Variants in SLC37A1 observed in about 807,000 individuals in gnomAD.
SLC37A1 encodes glucose-6-phosphate exchanger SLC37A1.
SLC37A1 carries 49 observed loss-of-function variants against 75.3 expected under a neutral mutation model. The observed-to-expected ratio is 0.65, with a 90% CI of 0.52 to 0.83. The LOEUF is 0.83. Among genes scored for constraint, SLC37A1 ranks in the 40% least tolerant of loss-of-function variants. The pLI is 0.00. For synonymous variants in SLC37A1, 268 were observed against 292.1 expected, an observed-to-expected ratio of 0.92 and a Z score of 0.84; for missense variants, 566 against 695.0, an observed-to-expected ratio of 0.81 and a Z score of 2.09.
chr21:42,571,602 T>G (rs976829265), intron 17 of SLC37A1, among the ~76,000 whole-genome samples: 2 of 152,110 alleles, frequency 1.3e-5, no homozygotes, highest in African/African-American at 4.8e-5. Context: ...TTTCCATGTT[T>G]CTTGGTTCAT....
At chr21:42,571,958 T>TC (rs1186299834) in intron 17 of SLC37A1, among the ~76,000 whole-genome samples, 1 of 151,670 alleles carries the variant, frequency 6.6e-6, no homozygotes, top group Admixed American at 6.6e-5. Flanking sequence ...GTGCTGGGAG[T>TC]CCCCCTCCTC....
At position 42,543,310 on chromosome 21, in the gene SLC37A1, G is replaced by A; in HGVS notation, c.564-126G>A. The A allele has an allele frequency of 2.8e-6, 3 of 1,064,402 alleles. No individual in the cohort carries two copies. The South Asian group carries it at 3.9e-5, about 14-fold the overall frequency. 65.9% of individuals were successfully genotyped at this position (1,064,402 alleles called of 1,614,324 possible). Reference sequence around the variant, plus strand: ...GAGTCCTGCATGGCACAGAAGCAGGGTCTGCATGGCCCCCCGTTGATTCTG... The same window carrying A: ...GAGTCCTGCATGGCACAGAAGCAGGATCTGCATGGCCCCCCGTTGATTCTG... On this transcript the variant is annotated intron_variant, in intron 7 of 19. Transcript: ENST00000352133.
At chr21:42,569,389 T>C (rs2147024405) in intron 17 of SLC37A1, among the ~76,000 whole-genome samples, 1 of 152,336 alleles carries the variant, frequency 6.6e-6, no homozygotes, top group South Asian at 2.1e-4. Context: ...TCCCGCCACA[T>C]GGCCTCCCTG....
chr21:42,510,030 A>T (rs1388142001), upstream of SLC37A1, among the ~76,000 whole-genome samples: 1 of 152,184 alleles, frequency 6.6e-6, no homozygotes, highest in African/African-American at 2.4e-5. Context: ...GAGGTGGGGA[A>T]AAATTAAAGT....
At chr21:42,524,701 C>A (rs115973213) in intron 2 of SLC37A1, among the ~76,000 whole-genome samples, 1,914 of 152,304 alleles carry the variant, frequency 0.013, 36 homozygotes, top group African/African-American at 0.044. Flanking sequence ...GTGTGCATCT[C>A]GAGTCCCAGG....
At chr21:42,578,635 C>T (rs540172618) in intron 18 of SLC37A1, among the ~76,000 whole-genome samples, 12 of 152,268 alleles carry the variant, frequency 7.9e-5, no homozygotes, top group Admixed American at 7.2e-4. Flanking sequence ...CACTATTGTT[C>T]GTACCTGCCG....
intron 17 of SLC37A1, 129 bp downstream of exon 17, chr21:42,568,567 C>T (rs1408716806): frequency 6.9e-6 from 6 of 874,188 alleles, no homozygotes; most frequent in East Asian, 2.7e-5. Flanking sequence ...TCTTACTATA[C>T]GAGCAGATGA....
At chr21:42,516,296 TCAGAGAAA>T (rs2054520525) in intron 1 of SLC37A1, among the ~76,000 whole-genome samples, 3 of 152,134 alleles carry the variant, frequency 2.0e-5, no homozygotes, top group Admixed American at 2.0e-4. Context: ...AGGAGGTGGC[TCAGAGAAA>T]CAGGACAAAC....
chr21:42,513,668 C>A (rs1194816536), upstream of SLC37A1, among the ~76,000 whole-genome samples: 3 of 149,856 alleles, frequency 2.0e-5, no homozygotes, highest in Non-Finnish European at 3.0e-5. Context: ...CGGGCAGTGC[C>A]GCAAGGCGTG....
chr21:42,535,720 G>A (rs1174782739), intron 5 of SLC37A1, among the ~76,000 whole-genome samples, 170 bp downstream of exon 5: 1 of 152,234 alleles, frequency 6.6e-6, no homozygotes, highest in Non-Finnish European at 1.5e-5. Flanking sequence ...GAGAGAGCAA[G>A]TGCGTGTGCT....
chr21:42,575,379 G>A (rs951212256), intron 18 of SLC37A1: 39 of 985,336 alleles, frequency 4.0e-5, no homozygotes, highest in African/African-American at 1.4e-4. Flanking sequence ...GTCAGACGGC[G>A]GGAGCGGCCC....
Position 42,545,867 on chromosome 21 carries a change from A to G in SLC37A1, c.731-1236A>G, listed in dbSNP as rs1270629817. ...TGTGCCCAGGACAGGAGGGCGACGC[A>G]CCCCACAGCCAGCCACGGACCTCTG... On this transcript the variant is annotated intron_variant, in intron 8 of 19. Transcript: ENST00000352133. The surrounding 1 kb of genome is among the most constrained non-coding windows in gnomAD (Gnocchi z 4.0). Among the ~76,000 whole-genome samples, 3 of 152,294 alleles carry G rather than the reference A, an allele frequency of 2.0e-5. No homozygotes were observed. The highest frequency in any genetic ancestry group is 4.1e-4 in the South Asian group (2 of 4,824).
At chr21:42,576,051 C>G (rs2056300954) in intron 18 of SLC37A1, 1 of 732,132 alleles carries the variant, frequency 1.4e-6, no homozygotes, top group Non-Finnish European at 1.7e-6. Context: ...AAAGGAACTC[C>G]CCAGGAGCCA....
At chr21:42,537,912 T>G (rs1417388084) in intron 5 of SLC37A1, among the ~76,000 whole-genome samples, 2 of 152,132 alleles carry the variant, frequency 1.3e-5, no homozygotes, top group Admixed American at 1.3e-4. Context: ...GTTCGCTATG[T>G]CAGATGAAAT....
At chr21:42,574,505 AT>A (rs1216762622) in intron 17 of SLC37A1, among the ~76,000 whole-genome samples, 2 of 152,164 alleles carry the variant, frequency 1.3e-5, no homozygotes, top group Non-Finnish European at 2.9e-5. Context: ...ATTGTGGGAT[AT>A]TTGCATTACA....
intron 11 of SLC37A1, 140 bp downstream of exon 11, chr21:42,559,229 G>A (rs2055765485): frequency 1.3e-5 from 13 of 1,015,584 alleles, no homozygotes; most frequent in Non-Finnish European, 1.7e-5. Flanking sequence ...AAAGCTAGAC[G>A]CTGCACAGTG....
intron 10 of SLC37A1, among the ~76,000 whole-genome samples, chr21:42,554,346 C>G (rs1169265080): frequency 1.3e-5 from 2 of 152,232 alleles, no homozygotes; most frequent in African/African-American, 4.8e-5. Context: ...TTAACCAGTT[C>G]ATTCATTCAG....
rs9977798 is a variant in SLC37A1, at chr21:42,570,067, G to C, written c.1423+1629G>C. On this transcript the variant is annotated intron_variant, in intron 17 of 19. Transcript: ENST00000352133. ...CTGAGAAGCGGCGGGCAGGGTGGCC[G>C]TTGCCATGTCATGCGACACACGGCC... 2.1e-5 allele frequency among the ~76,000 whole-genome samples: 2 copies of C among 95,038 alleles called. 1 individual carries two copies. The highest frequency in any genetic ancestry group is 4.8e-5 in the Non-Finnish European group (2 of 41,296). The allele number at this position is 95,038 out of a possible 152,430, so 62.3% of individuals were successfully genotyped here.
chr21:42,570,158 G>A (rs1400645271), intron 17 of SLC37A1, among the ~76,000 whole-genome samples: 1 of 112,804 alleles, frequency 8.9e-6, no homozygotes, highest in Non-Finnish European at 2.1e-5. Context: ...TCTGAGAAGC[G>A]GCGGGCAGGG....
Sources: allele counts gnomAD v4.1 joint callset (sites outside exome capture counted in the v4.1 genomes callset), GRCh38; gene constraint gnomAD v4.1.1; non-coding constraint Gnocchi (gnomAD v3.1); transcripts MANE v1.5; gene names NCBI Gene and HGNC (gene_info 2026-07-23, HGNC 2026-07-21).